The following SEC14L1 variants were observed in gnomAD, a reference collection of about 807,000 sequenced individuals.
SEC14L1 encodes SEC14 like lipid binding 1, also known as SEC14-like protein 1.
Under a neutral mutation model 85.3 loss-of-function variants are expected in SEC14L1, and 48 were observed. The observed-to-expected ratio is 0.56, with a 90% CI of 0.45 to 0.72. The LOEUF (loss-of-function observed/expected upper bound fraction) is 0.72, where lower values mean the gene tolerates loss of function less well. Among genes scored for constraint, SEC14L1 ranks in the 30% least tolerant of loss-of-function variants. The pLI, the probability that SEC14L1 is intolerant of heterozygous loss-of-function variation, is 0.00. For missense variants in SEC14L1, 682 were observed against 921.4 expected (o/e 0.74, Z 3.36); for synonymous variants, 391 against 355.5 (o/e 1.10, Z -1.12).
chr17:77,189,206 C>T (rs1975406805), intron 3 of SEC14L1, among the ~76,000 whole-genome samples: 1 of 152,116 alleles, frequency 6.6e-6, no homozygotes, highest in African/African-American at 2.4e-5. Flanking sequence ...GCAGGGGAAG[C>T]TGGCTTTGTA....
intron 3 of SEC14L1, among the ~76,000 whole-genome samples, chr17:77,095,931 G>A (rs770053882): frequency 3.3e-5 from 5 of 152,174 alleles, no homozygotes; most frequent in Non-Finnish European, 7.3e-5. Context: ...ATCTTTCTGG[G>A]TGATGGGAGG....
At chr17:77,150,302 C>G (rs1190280903) in intron 3 of SEC14L1, among the ~76,000 whole-genome samples, 1 of 152,178 alleles carries the variant, frequency 6.6e-6, no homozygotes, top group East Asian at 1.9e-4. Flanking sequence ...TAGTGTAAGA[C>G]TGCTGTGAGG....
chr17:77,167,460 A>T (rs1476921101), intron 3 of SEC14L1, among the ~76,000 whole-genome samples: 1 of 152,118 alleles, frequency 6.6e-6, no homozygotes. Flanking sequence ...TGAGCACAAT[A>T]GGTTTTTACC....
intron 3 of SEC14L1, among the ~76,000 whole-genome samples, chr17:77,132,177 C>A (rs1011710603): frequency 6.6e-6 from 1 of 152,006 alleles, no homozygotes; most frequent in Non-Finnish European, 1.5e-5. Flanking sequence ...CTTTTACCAC[C>A]AAATGCCAAA....
intron 3 of SEC14L1, among the ~76,000 whole-genome samples, chr17:77,121,845 G>C (rs753979564): frequency 3.3e-5 from 5 of 152,114 alleles, no homozygotes; most frequent in South Asian, 2.1e-4. Flanking sequence ...CTTTGTCCAG[G>C]CCAACGCTGC....
chr17:77,174,868 A>G (rs1331101917), intron 3 of SEC14L1, among the ~76,000 whole-genome samples: 1 of 152,246 alleles, frequency 6.6e-6, no homozygotes, highest in Non-Finnish European at 1.5e-5. Flanking sequence ...CACTGAACAA[A>G]GGAGGGAAGG....
chr17:77,176,799 G>A (rs1974777016), intron 3 of SEC14L1, among the ~76,000 whole-genome samples: 1 of 152,084 alleles, frequency 6.6e-6, no homozygotes, highest in Admixed American at 6.5e-5. Flanking sequence ...GTTGTTCAGA[G>A]TGTTCTTGAA....
intron 3 of SEC14L1, among the ~76,000 whole-genome samples, chr17:77,150,985 C>G (rs2143568076): frequency 6.6e-6 from 1 of 152,234 alleles, no homozygotes; most frequent in Middle Eastern, 3.4e-3. Context: ...GGATTTCATC[C>G]TTGGGCCTTT....
chr17:77,155,840 C>T (rs1425770356), intron 3 of SEC14L1, among the ~76,000 whole-genome samples: 1 of 152,182 alleles, frequency 6.6e-6, no homozygotes, highest in African/African-American at 2.4e-5. Context: ...CCTGCCTCAG[C>T]CTCAGCTGGG....
At chr17:77,204,316 C>T (rs1406458290) in intron 10 of SEC14L1, among the ~76,000 whole-genome samples, 13 of 152,038 alleles carry the variant, frequency 8.6e-5, no homozygotes, top group African/African-American at 2.9e-4. Context: ...CTCCCAGGTT[C>T]GAGTGATTCT....
intron 3 of SEC14L1, among the ~76,000 whole-genome samples, chr17:77,156,226 T>G (rs1973811309): frequency 6.6e-6 from 1 of 152,110 alleles, no homozygotes; most frequent in Non-Finnish European, 1.5e-5. Context: ...CTCTGTCACC[T>G]TCCCTGCAAC....
chr17:77,202,551 G>C (rs1360317568), intron 9 of SEC14L1, among the ~76,000 whole-genome samples: 1 of 152,052 alleles, frequency 6.6e-6, no homozygotes, highest in Non-Finnish European at 1.5e-5. Flanking sequence ...CCTGGGAGGC[G>C]GAGGTTGCAG....
intron 3 of SEC14L1, among the ~76,000 whole-genome samples, chr17:77,104,809 A>G (rs552139162): frequency 2.0e-5 from 3 of 147,592 alleles, no homozygotes; most frequent in Admixed American, 1.3e-4. Context: ...AAAAAAAAAG[A>G]AAGTTTTTTT....
chr17:77,099,391 C>T (rs1052051867), intron 3 of SEC14L1, among the ~76,000 whole-genome samples: 1 of 152,144 alleles, frequency 6.6e-6, no homozygotes, highest in Non-Finnish European at 1.5e-5. Context: ...GAAAACTTTG[C>T]TCAGTTGTCA....
At chr17:77,110,811 G>A (rs1319399538) in intron 3 of SEC14L1, among the ~76,000 whole-genome samples, 1 of 148,834 alleles carries the variant, frequency 6.7e-6, no homozygotes. Flanking sequence ...GTGAACCCGG[G>A]AGTTTGCAGT....
chr17:77,114,521 C>T (rs1196354942), intron 3 of SEC14L1, among the ~76,000 whole-genome samples: 1 of 143,736 alleles, frequency 7.0e-6, no homozygotes, highest in African/African-American at 2.6e-5. Context: ...TAGACTCCAT[C>T]CCAAAACAAA....
rs1343250239 is a variant in SEC14L1, at chr17:77,213,547, G to A, written c.2042+55G>A. 1 of 1,588,378 alleles carries A rather than the reference G, an allele frequency of 6.3e-7. No individual in the cohort carries two copies. The highest frequency in any genetic ancestry group is 1.3e-5 in the African/African-American group (1 of 74,844). On this transcript the variant is annotated intron_variant, in intron 16 of 16. Transcript: ENST00000436233. The surrounding 1 kb of genome is among the most constrained non-coding windows in gnomAD (Gnocchi z 7.1). ...GCGGACAGCTGGGCATGGTTGGAGG[G>A]AGCCTGCAGTCCCACGCCGTGTGCA... is the stretch of plus-strand genomic sequence containing the variant.
At position 77,206,151 on chromosome 17, in the gene SEC14L1, C is replaced by T. The variant is rs1463258749; in HGVS notation, c.1170-78C>T. On this transcript the variant is annotated intron_variant, in intron 11 of 16. Transcript: ENST00000436233. The surrounding 1 kb of genome is among the most constrained non-coding windows in gnomAD (Gnocchi z 4.3). ...TGTATTTGGAAATAGCTATAAATGA[C>T]CAAAAAGGAAGAAAATAAGACACAG... The T allele has an allele frequency of 2.1e-6, 3 of 1,459,796 alleles. No homozygotes were observed. Among genetic ancestry groups the T allele is most frequent in the African/African-American group, 1.4e-5 (1 of 71,382 alleles). The allele number at this position is 1,459,796 out of a possible 1,614,324, so 90.4% of individuals were successfully genotyped here.
chr17:77,095,576 C>A (rs1365613257), intron 3 of SEC14L1, among the ~76,000 whole-genome samples: 6 of 152,172 alleles, frequency 3.9e-5, no homozygotes, highest in Non-Finnish European at 7.3e-5. Context: ...GCCTGTAATC[C>A]CAGCACTTTA....
Sources: gnomAD v4.1 joint callset for allele counts (sites outside exome capture counted in the v4.1 genomes callset) on GRCh38, gnomAD v4.1.1 for gene constraint, Gnocchi (gnomAD v3.1) non-coding constraint, MANE v1.5 for transcripts, NCBI Gene and HGNC (gene_info 2026-07-23, HGNC 2026-07-21) for gene names.